Variants in CCDC88C observed in about 807,000 individuals in gnomAD.
CCDC88C encodes coiled-coil and HOOK domain protein 88C.
In CCDC88C, 131 loss-of-function variants were observed where a neutral mutation model predicts 198.8. That is an observed-to-expected ratio of 0.66 (90% CI 0.57 to 0.76). CCDC88C has a LOEUF of 0.76. Ranked by LOEUF, CCDC88C falls within the 30% of genes least tolerant of loss-of-function variation. CCDC88C has a pLI of 0.00. For missense variants in CCDC88C, 2,553 were observed against 2,631.6 expected (o/e 0.97, Z 0.65); for synonymous variants, 1,166 against 1,114.7 (o/e 1.05, Z -0.92).
At chr14:91,357,470 A>G (rs1224337917) in intron 4 of CCDC88C, among the ~76,000 whole-genome samples, 1 of 152,202 alleles carries the variant, frequency 6.6e-6, no homozygotes, top group Non-Finnish European at 1.5e-5. Flanking sequence ...TCGGTCTTTC[A>G]TTGCATTTGT....
rs1334212262 is a variant in CCDC88C at position 91,417,788 on chromosome 14, G to C, written c.-98C>G. On this transcript the variant is annotated 5_prime_UTR_variant, in exon 1 of 30. Transcript: ENST00000389857. Reference sequence around the variant, plus strand: ...GCTCCGCAGCGAGCAGCGGGCGCGGGGCTGCGGCGGCTCGCGCCCGGGAGA... The same window carrying C: ...GCTCCGCAGCGAGCAGCGGGCGCGGCGCTGCGGCGGCTCGCGCCCGGGAGA... The C allele has an allele frequency of 2.5e-6, 2 of 798,324 alleles. No homozygotes were observed. The highest frequency in any genetic ancestry group is 3.7e-5 in the African/African-American group (2 of 54,390). 49.5% of individuals were successfully genotyped at this position (798,324 alleles called of 1,614,324 possible). A position where few individuals can be genotyped will look rare whatever the true frequency, so the allele number is the denominator to read the frequency against.
chr14:91,335,621 G>A lies in CCDC88C; in HGVS notation c.1050+2384C>T, dbSNP rs562775462. Among the ~76,000 whole-genome samples the A allele has an allele frequency of 3.0e-3, 460 of 152,292 alleles. 5 individuals carry two copies. The highest frequency in any genetic ancestry group is 0.01 in the African/African-American group (436 of 41,564). ...GTTGCATCCTAACCATGTGCTGCCT[G>A]CCTGCTTCCCTCCCCAGAGGCTAAG... On this transcript the variant is annotated intron_variant, in intron 10 of 29. Transcript: ENST00000389857.
chr14:91,360,082 T>C (rs1894238201), intron 3 of CCDC88C, among the ~76,000 whole-genome samples: 1 of 152,204 alleles, frequency 6.6e-6, no homozygotes, highest in Non-Finnish European at 1.5e-5. Flanking sequence ...ATGTTTCTTT[T>C]TTAAAAGATA....
intron 4 of CCDC88C, among the ~76,000 whole-genome samples, chr14:91,359,075 A>G (rs951577064): frequency 6.6e-6 from 1 of 151,950 alleles, no homozygotes; most frequent in Non-Finnish European, 1.5e-5. Context: ...CAGGCACCTA[A>G]ACCCAAACTC....
At chr14:91,326,130 A>G (rs1892574605) in intron 10 of CCDC88C, 74 bp from the exon 11 acceptor site, 9 of 1,403,526 alleles carry the variant, frequency 6.4e-6, no homozygotes, top group Non-Finnish European at 8.8e-6. Flanking sequence ...TCTAAAACCA[A>G]AACTCTTTCA....
rs1208542571 is a variant in CCDC88C at position 91,297,387 on chromosome 14, C to A, written c.3884G>T (p.Arg1295Leu). Residue 1295 changes from arginine (R) to leucine (L), a missense_variant, in exon 22 of 30, where the codon CGC becomes CTC. Coordinates refer to ENST00000389857, the MANE Select transcript of CCDC88C (RefSeq NM_001080414.4). ...CAGCTCGTCGAAGCGGGCCTGCCAG[C>A]GGTTGAGCTCCAGCTGCGCGTTGTT... ...SLNNAQLELNRWQARFDELKE... is the reference protein window; with the variant it reads ...SLNNAQLELNLWQARFDELKE... The A allele has an allele frequency of 5.0e-6, 8 of 1,613,236 alleles. No homozygotes were observed. The highest frequency in any genetic ancestry group is 1.7e-4 in the Middle Eastern group (1 of 6,060).
intron 4 of CCDC88C, among the ~76,000 whole-genome samples, chr14:91,345,423 C>A (rs1445076134): frequency 6.6e-6 from 1 of 151,896 alleles, no homozygotes; most frequent in South Asian, 2.1e-4. Context: ...GAACTCCTGA[C>A]CTCGTGATCT....
intron 3 of CCDC88C, among the ~76,000 whole-genome samples, chr14:91,370,717 G>A (rs536110441): frequency 4.6e-5 from 7 of 152,284 alleles, no homozygotes; most frequent in African/African-American, 1.2e-4. Flanking sequence ...CCACAGGTGC[G>A]GATGGTGGGG....
chr14:91,366,498 T>TA (rs199878819), intron 3 of CCDC88C, among the ~76,000 whole-genome samples: 53 of 150,030 alleles, frequency 3.5e-4, no homozygotes, highest in South Asian at 1.1e-3. Context: ...AATATAAAAA[T>TA]AAAAAAAAAC....
intron 3 of CCDC88C, among the ~76,000 whole-genome samples, chr14:91,396,972 C>T (rs1885883506): frequency 6.6e-6 from 1 of 151,752 alleles, no homozygotes; most frequent in African/African-American, 2.4e-5. Flanking sequence ...CACCACTGCA[C>T]TCCAGCCTGG....
At chr14:91,278,336 C>T in intron 28 of CCDC88C, 125 bp from the exon 29 acceptor site, 2 of 939,546 alleles carry the variant, frequency 2.1e-6, no homozygotes, top group Non-Finnish European at 3.0e-6. Flanking sequence ...GCCCGAAAAC[C>T]CAGGGCTTAT....
intron 3 of CCDC88C, among the ~76,000 whole-genome samples, chr14:91,372,526 TGCGGGGGGGGGCGGGC>T (rs1477215530): frequency 1.4e-4 from 1 of 7,294 alleles, no homozygotes; most frequent in Non-Finnish European, 2.5e-4. Flanking sequence ...ATGGCAGTGG[TGCGGGGGGGGGCGGGC>T]GGGGGGGGGA....
Position 91,324,862 on chromosome 14 carries a change from A to T in CCDC88C, c.1259T>A (p.Ile420Asn), listed in dbSNP as rs774593077. Residue 420 changes from isoleucine (I) to asparagine (N), a missense_variant, in exon 12 of 30, where the codon ATT becomes AAT. Physicochemically the swap from Ile to Asn is moderately radical, Grantham distance 149 (BLOSUM62 -3). Around this residue, in one of 2 missense-constraint regions of CCDC88C, gnomAD observed 1,260 missense variants for 1,412.0 expected, o/e 0.89. Coordinates refer to ENST00000389857, the MANE Select transcript of CCDC88C (RefSeq NM_001080414.4). Reference sequence around the variant, plus strand: ...TTCGTTCATGCTCTGCTTCTGTGCAATCTCAAGGACCATGTTTTCTTCCAG... The same window carrying T: ...TTCGTTCATGCTCTGCTTCTGTGCATTCTCAAGGACCATGTTTTCTTCCAG... ...ELLEENMVLEIAQKQSMNESA... is the reference protein window; with the variant it reads ...ELLEENMVLENAQKQSMNESA... 6.2e-7 allele frequency: 1 copy of T among 1,613,812 alleles called. No individual in the cohort carries two copies. Among genetic ancestry groups the T allele is most frequent in the Admixed American group, 1.7e-5 (1 of 60,030 alleles).
At position 91,272,797 on chromosome 14, in the gene CCDC88C, C is replaced by A; in HGVS notation, c.5915G>T (p.Gly1972Val). Residue 1972 changes from glycine (G) to valine (V), a missense_variant, in exon 30 of 30, where the codon GGC (glycine) becomes GTC (valine). Gly to Val is a moderately radical substitution (Grantham distance 109, BLOSUM62 -3). This residue lies in a region of CCDC88C where 1,293 missense variants were observed against 1,219.6 expected (regional missense o/e 1.06). Transcript: ENST00000389857. Reference sequence around the variant, plus strand: ...CTTGGCCGGAAGCCCCTCACTGCAGCCCTGCCCCGGGACCCCGTCTCCCTC... The same window carrying A: ...CTTGGCCGGAAGCCCCTCACTGCAGACCTGCCCCGGGACCCCGTCTCCCTC... ...LSEGDGVPGQGCSEGLPAKSP... is the reference protein window; with the variant it reads ...LSEGDGVPGQVCSEGLPAKSP... 1 of 1,601,586 alleles carries A rather than the reference C, an allele frequency of 6.2e-7. No individual in the cohort carries two copies. The highest frequency in any genetic ancestry group is 1.7e-5 in the Admixed American group (1 of 59,512).
chr14:91,298,162 T>C (rs914456495), intron 21 of CCDC88C, among the ~76,000 whole-genome samples: 55 of 152,204 alleles, frequency 3.6e-4, no homozygotes, highest in Non-Finnish European at 4.4e-4. Flanking sequence ...TGACCAGGTA[T>C]GGTGGCTCAC....
At chr14:91,356,731 A>G (rs1323291921) in intron 4 of CCDC88C, among the ~76,000 whole-genome samples, 4 of 152,092 alleles carry the variant, frequency 2.6e-5, no homozygotes, top group Non-Finnish European at 5.9e-5. Context: ...ATCTTTACAG[A>G]TGTTTCTGTT....
Position 91,279,257 on chromosome 14 carries a change from G to A in CCDC88C, c.4749C>T (p.Ser1583=), listed in dbSNP as rs765141591. ...ACTTACCTTTTAGGTTAAGAGGTGA[G>A]CTGTTGCTGGATGTGTTTCTACTGC... ...LESSRNTSSN[S]SPLNLKGSSE... is the part of the protein sequence containing the mutation. The change falls in exon 28 of 30, where the codon AGC becomes AGT. Residue 1583 remains serine, a synonymous_variant. Coordinates refer to ENST00000389857, the MANE Select transcript of CCDC88C (RefSeq NM_001080414.4). 13 of 1,600,816 alleles carry A rather than the reference G, an allele frequency of 8.1e-6. No individual in the cohort carries two copies. The South Asian group carries it at 1.4e-4, about 17-fold the overall frequency.
intron 3 of CCDC88C, among the ~76,000 whole-genome samples, chr14:91,388,460 G>A (rs1458411707): frequency 3.3e-5 from 5 of 152,156 alleles, no homozygotes; most frequent in Non-Finnish European, 4.4e-5. Context: ...ACCAGGTAGC[G>A]CCTGTTCTGG....
At chr14:91,281,097 C>G in intron 27 of CCDC88C, 1 of 472,056 alleles carries the variant, frequency 2.1e-6, no homozygotes, top group Admixed American at 2.3e-5. Context: ...CGCCTCAGAG[C>G]TACTATGGGC....
Sources: gnomAD v4.1 joint callset for allele counts (sites outside exome capture counted in the v4.1 genomes callset) on GRCh38, gnomAD v4.1.1 for gene constraint, gnomAD v4.1.1 regional missense constraint, MANE v1.5 for transcripts, NCBI Gene and HGNC (gene_info 2026-07-23, HGNC 2026-07-21) for gene names.